Variants in BPTF observed in about 807,000 individuals in gnomAD.
BPTF encodes bromodomain PHD finger transcription factor.
BPTF carries 18 observed loss-of-function variants against 292.5 expected under a neutral mutation model. The ratio of observed to expected loss-of-function variants is 0.06; its 90% CI spans 0.04 to 0.09. The LOEUF (loss-of-function observed/expected upper bound fraction) is 0.09, where lower values mean the gene tolerates loss of function less well. BPTF is among the 10% of genes least tolerant of loss of function. The probability of loss-of-function intolerance (pLI) is 1.00; values close to 1 mark genes in which losing one functional copy is unlikely to be tolerated. For synonymous variants in BPTF, 1,225 were observed against 1,251.9 expected, an observed-to-expected ratio of 0.98 and a Z score of 0.45; for missense variants, 2,726 against 3,498.7, an observed-to-expected ratio of 0.78 and a Z score of 5.57.
At chr17:67,904,420 G>A (rs2062043440) in intron 8 of BPTF, among the ~76,000 whole-genome samples, 1 of 152,144 alleles carries the variant, frequency 6.6e-6, no homozygotes, top group Admixed American at 6.5e-5. Context: ...TTAGAATATT[G>A]GAGGCTTACA....
In BPTF at chr17:67,922,881, C is replaced by T. The variant is rs2063551960; in HGVS notation, c.5599C>T (p.Leu1867=). 1 of 1,613,896 alleles carries T rather than the reference C, an allele frequency of 6.2e-7. No individual in the cohort carries two copies. Among genetic ancestry groups the T allele is most frequent in the Non-Finnish European group, 8.5e-7 (1 of 1,179,970 alleles). The change falls in exon 14 of 28, where the codon CTG becomes TTG. Residue 1867 remains leucine, a synonymous_variant. Transcript: ENST00000306378. ...PQRKGLRSSA[L]RPKRPETPKQ... ...GAGGAAAGGCCTTCGATCAAGTGCA[C>T]TGCGGCCAAAGAGACCAGAAACGCC...
chr17:67,892,072 G>A, intron 5 of BPTF, 38 bp downstream of exon 5: 2 of 1,436,088 alleles, frequency 1.4e-6, no homozygotes, highest in Non-Finnish European at 1.9e-6. Context: ...TCTGTGGAAT[G>A]TGAGATAATT....
intron 18 of BPTF, among the ~76,000 whole-genome samples, chr17:67,932,601 C>T (rs1327306980): frequency 2.0e-5 from 3 of 151,964 alleles, no homozygotes; most frequent in Non-Finnish European, 2.9e-5. Flanking sequence ...CTTGGGAGGC[C>T]GAGGTGGAAG....
chr17:67,875,648 G>A, intron 4 of BPTF: 1 of 1,608,784 alleles, frequency 6.2e-7, no homozygotes, highest in Non-Finnish European at 8.5e-7. Flanking sequence ...TAGTCCCTCT[G>A]AAGGGAGGAG....
At position 67,903,833 on chromosome 17, in the gene BPTF, TC is replaced by T; in HGVS notation, c.2589del (p.Glu867ArgfsTer16). On this transcript the variant is annotated frameshift_variant, in exon 8 of 28. Coordinates refer to ENST00000306378, the MANE Select transcript of BPTF (RefSeq NM_182641.4). LOFTEE classifies it high-confidence loss of function. ...TSIEREEKEK[V>X]KKKEKKQEEE... ...ATTGAAAGAGAAGAAAAGGAGAAAGTCAAAAAAAAAGAGAAGAAACAGGAAG... is the reference window on the plus strand; with the variant it reads ...ATTGAAAGAGAAGAAAAGGAGAAAGTAAAAAAAAAGAGAAGAAACAGGAAG... The T allele has an allele frequency of 6.3e-7, 1 of 1,585,466 alleles. No individual in the cohort carries two copies. The highest frequency in any genetic ancestry group is 1.4e-5 in the African/African-American group (1 of 72,782).
At chr17:67,874,053 C>T (rs975678677) in intron 3 of BPTF, among the ~76,000 whole-genome samples, 2 of 149,198 alleles carry the variant, frequency 1.3e-5, no homozygotes, top group African/African-American at 2.6e-5. Context: ...ACACTGGACT[C>T]GGAAAAAGTC....
At chr17:67,869,287 AAAC>A (rs1370281476) in intron 3 of BPTF, among the ~76,000 whole-genome samples, 2 of 152,178 alleles carry the variant, frequency 1.3e-5, no homozygotes, top group African/African-American at 2.4e-5. Flanking sequence ...AAAATAGAAA[AAAC>A]AAAAAAATAT....
At position 67,948,061 on chromosome 17, in the gene BPTF, G is replaced by A; in HGVS notation, c.7701-20G>A. 6.3e-7 allele frequency: 1 copy of A among 1,598,342 alleles called. No individual in the cohort carries two copies. The highest frequency in any genetic ancestry group is 8.6e-7 in the Non-Finnish European group (1 of 1,165,984). On this transcript the variant is annotated intron_variant, in intron 22 of 27. Transcript: ENST00000306378. ...AAAATGAAACGCCCAGCATTACATA[G>A]GTTGTGTATTTTTCTCTAGAATGAT...
intron 18 of BPTF, among the ~76,000 whole-genome samples, chr17:67,934,225 A>G (rs557419233): frequency 4.9e-4 from 74 of 152,002 alleles, no homozygotes; most frequent in Admixed American, 8.5e-4. Flanking sequence ...GTGTTAGGAA[A>G]TAAAAGACAT....
intron 1 of BPTF, among the ~76,000 whole-genome samples, chr17:67,831,692 A>G (rs2056695878): frequency 6.6e-6 from 1 of 152,086 alleles, no homozygotes; most frequent in Admixed American, 6.6e-5. Context: ...CATGGTGGGC[A>G]AGTAGTATTC....
At chr17:67,938,641 C>T (rs970737147) in intron 18 of BPTF, among the ~76,000 whole-genome samples, 9 of 152,058 alleles carry the variant, frequency 5.9e-5, no homozygotes, top group African/African-American at 1.9e-4. Flanking sequence ...AATAGACTTC[C>T]GTGTTACAAC....
chr17:67,875,064 A>T, intron 4 of BPTF, 44 bp downstream of exon 4: 1 of 1,512,222 alleles, frequency 6.6e-7, no homozygotes, highest in South Asian at 1.2e-5. Context: ...CATTAGTGTT[A>T]TTTATGAAAT....
At chr17:67,895,994 C>G (rs1190637289) in intron 7 of BPTF, among the ~76,000 whole-genome samples, 10 of 147,098 alleles carry the variant, frequency 6.8e-5, no homozygotes, top group African/African-American at 2.5e-4. Flanking sequence ...GACGGAGTCT[C>G]GCTCTGTCAC....
chr17:67,878,754 A>C (rs968277545), intron 4 of BPTF, among the ~76,000 whole-genome samples: 1 of 150,990 alleles, frequency 6.6e-6, no homozygotes, highest in African/African-American at 2.4e-5. Flanking sequence ...TTCTTTGTTC[A>C]TTTTCTATAA....
intron 21 of BPTF, 136 bp downstream of exon 21, chr17:67,946,461 T>C (rs1166857278): frequency 7.5e-7 from 1 of 1,325,020 alleles, no homozygotes; most frequent in Non-Finnish European, 1.0e-6. Flanking sequence ...AAACACTGAA[T>C]TGACCAAAAA....
At chr17:67,888,749 TG>T (rs1456251205) in intron 4 of BPTF, among the ~76,000 whole-genome samples, 4 of 152,176 alleles carry the variant, frequency 2.6e-5, no homozygotes, top group Non-Finnish European at 5.9e-5. Flanking sequence ...ATTGTTTTTC[TG>T]GGAGAATGGC....
chr17:67,932,981 G>A (rs756383102), intron 18 of BPTF, among the ~76,000 whole-genome samples: 3 of 152,182 alleles, frequency 2.0e-5, no homozygotes, highest in Non-Finnish European at 4.4e-5. Flanking sequence ...GCCAGGCGCA[G>A]TTGCTCATGC....
chr17:67,900,696 A>G (rs940415695), intron 7 of BPTF, among the ~76,000 whole-genome samples: 4 of 152,138 alleles, frequency 2.6e-5, no homozygotes, highest in African/African-American at 9.7e-5. Context: ...AACGATACTA[A>G]TATTTGATCT....
intron 27 of BPTF, among the ~76,000 whole-genome samples, chr17:67,980,425 G>T (rs2070204561): frequency 2.0e-5 from 3 of 152,228 alleles, no homozygotes; most frequent in Non-Finnish European, 1.5e-5. Flanking sequence ...TGGAGTTAAG[G>T]TAGGACAGAG....
Sources: allele counts gnomAD v4.1 joint callset (sites outside exome capture counted in the v4.1 genomes callset), GRCh38; gene constraint gnomAD v4.1.1; transcripts MANE v1.5; gene names NCBI Gene and HGNC (gene_info 2026-07-23, HGNC 2026-07-21).